The following USP34 variants were observed in gnomAD, a reference collection of about 807,000 sequenced individuals.
USP34 encodes ubiquitin specific peptidase 34.
A neutral mutation model predicts 460.3 loss-of-function variants in USP34; 70 were observed. The ratio of observed to expected loss-of-function variants is 0.15; its 90% confidence interval spans 0.13 to 0.19. The LOEUF (loss-of-function observed/expected upper bound fraction) is 0.19. USP34 is among the 10% of genes least tolerant of loss of function. The probability of loss-of-function intolerance (pLI) is 1.00; values close to 1 mark genes in which losing one functional copy is unlikely to be tolerated. For synonymous variants in USP34, 1,647 were observed against 1,405.3 expected, an observed-to-expected ratio of 1.17 and a Z score of -3.85; for missense variants, 3,985 against 4,236.2, an observed-to-expected ratio of 0.94 and a Z score of 1.65.
Position 61,195,412 on chromosome 2 carries a change from G to GC in USP34, c.9509-2433dup, listed in dbSNP as rs1012876155. Among the ~76,000 whole-genome samples the GC allele has an allele frequency of 8.0e-5, 12 of 149,820 alleles. No individual in the cohort carries two copies. The East Asian group carries it at 2.4e-3, about 29-fold the overall frequency. On this transcript the variant is annotated intron_variant, in intron 75 of 79. Transcript: ENST00000398571. Reference sequence around the variant, plus strand: ...AGCCAGGCTGGGCATAGTGGCTCATGCCTGTAACCCCAGCACTTTGGGAGG... The same window carrying GC: ...AGCCAGGCTGGGCATAGTGGCTCATGCCCTGTAACCCCAGCACTTTGGGAGG...
At chr2:61,256,509 T>C (rs1310839791) in intron 47 of USP34, 31 bp from the exon 48 acceptor site, 15 of 1,486,202 alleles carry the variant, frequency 1.0e-5, no homozygotes, top group Non-Finnish European at 1.4e-5. Context: ...AAAAGTTTCA[T>C]ATTATTGTTT....
rs541827863 is a variant in USP34 at position 61,282,704 on chromosome 2, C to T, written c.4998+441G>A. Among the ~76,000 whole-genome samples, 20 of 152,134 alleles carry T rather than the reference C, an allele frequency of 1.3e-4. No individual in the cohort carries two copies. The South Asian group carries it at 2.7e-3, about 20-fold the overall frequency. Reference sequence around the variant, plus strand: ...ACTTGGGAGGCTGAAGCCAGAGGATCGCTTGTTCCCAGGAGGTTGAGGCTG... The same window carrying T: ...ACTTGGGAGGCTGAAGCCAGAGGATTGCTTGTTCCCAGGAGGTTGAGGCTG... On this transcript the variant is annotated intron_variant, in intron 37 of 79. Coordinates refer to ENST00000398571, the MANE Select transcript of USP34 (RefSeq NM_014709.4).
At chr2:61,346,537 A>T (rs1691773843) in intron 15 of USP34, among the ~76,000 whole-genome samples, 1 of 146,906 alleles carries the variant, frequency 6.8e-6, no homozygotes. Context: ...TAAAAAAAAA[A>T]AAAAAAAAAA....
At chr2:61,322,679 G>A (rs1690962749) in intron 21 of USP34, among the ~76,000 whole-genome samples, 1 of 152,188 alleles carries the variant, frequency 6.6e-6, no homozygotes, top group African/African-American at 2.4e-5. Flanking sequence ...ATTCACCCTA[G>A]TAGCAGTATC....
chr2:61,194,035 TTAGC>T, intron 75 of USP34: 2 of 791,528 alleles, frequency 2.5e-6, no homozygotes, highest in African/African-American at 1.9e-5. Flanking sequence ...AAAACTATTC[TTAGC>T]TAGCAGGTAG....
chr2:61,281,027 G>A (rs554026682), intron 38 of USP34, 63 bp downstream of exon 38: 6 of 1,534,820 alleles, frequency 3.9e-6, no homozygotes, highest in Non-Finnish European at 5.3e-6. Context: ...ATATTACAAC[G>A]GTAAACTGAG....
intron 1 of USP34, among the ~76,000 whole-genome samples, chr2:61,437,762 G>C (rs1424886436): frequency 1.2e-5 from 1 of 80,240 alleles, no homozygotes; most frequent in Non-Finnish European, 2.7e-5. Flanking sequence ...AACAGAGCGA[G>C]ACTCCGTCTC....
chr2:61,211,745 A>C, intron 69 of USP34, 27 bp downstream of exon 69: 1 of 1,538,312 alleles, frequency 6.5e-7, no homozygotes, highest in Non-Finnish European at 8.7e-7. Context: ...GGAAATAAAC[A>C]AGACAAAACT....
intron 51 of USP34, 41 bp downstream of exon 51, chr2:61,245,169 G>T (rs749919419): frequency 1.3e-6 from 2 of 1,497,512 alleles, no homozygotes; most frequent in Non-Finnish European, 9.2e-7. Flanking sequence ...CAAAGCACTT[G>T]GAAGGACACA....
chr2:61,238,186 G>C (rs10198188), intron 53 of USP34, among the ~76,000 whole-genome samples: 1 of 151,620 alleles, frequency 6.6e-6, no homozygotes, highest in Non-Finnish European at 1.5e-5. Context: ...GTGAGGCAAC[G>C]TGCCCAGCCT....
intron 10 of USP34, among the ~76,000 whole-genome samples, chr2:61,369,817 G>C (rs1436117620): frequency 1.3e-5 from 2 of 150,086 alleles, no homozygotes; most frequent in Non-Finnish European, 3.0e-5. Flanking sequence ...TTGTGAAAAA[G>C]AAAGAGGAAG....
rs571781282 is a variant in USP34, at chr2:61,210,862, C to T, written c.8840+910G>A. On this transcript the variant is annotated intron_variant, in intron 69 of 79. Transcript: ENST00000398571. Reference sequence around the variant, plus strand: ...AGGAGCTGGGACTACAGGTGCATGCCGTCACACCCTAATTTATTTGCTAAC... The same window carrying T: ...AGGAGCTGGGACTACAGGTGCATGCTGTCACACCCTAATTTATTTGCTAAC... Among the ~76,000 whole-genome samples, 23 of 152,182 alleles carry T rather than the reference C, an allele frequency of 1.5e-4. No homozygotes were observed. In the East Asian group the frequency reaches 3.3e-3, roughly 22 times the overall value.
chr2:61,348,142 T>C lies in USP34; in HGVS notation c.2013A>G (p.Thr671=). 6.2e-7 allele frequency: 1 copy of C among 1,614,238 alleles called. No individual in the cohort carries two copies. Among genetic ancestry groups the C allele is most frequent in the East Asian group, 2.2e-5 (1 of 44,884 alleles). Residue 671 remains threonine (T), a synonymous_variant, in exon 15 of 80, where the codon ACA becomes ACG. Transcript: ENST00000398571. ...MSERNGTSSG[T]GKDLVFNTES... is the part of the protein sequence containing the mutation. The stretch of plus-strand genomic sequence containing the variant: ...CAGTGTTAAAAACCAGGTCCTTTCC[T>C]GTTCCGCTGCTTGTCCCATTTCTTT...
At chr2:61,330,506 T>C (rs1229769690) in intron 20 of USP34, among the ~76,000 whole-genome samples, 2 of 152,242 alleles carry the variant, frequency 1.3e-5, no homozygotes, top group Non-Finnish European at 2.9e-5. Context: ...CTATGACTTT[T>C]CCGAACACTT....
At chr2:61,463,797 G>A (rs943507948) in intron 1 of USP34, among the ~76,000 whole-genome samples, 4 of 150,768 alleles carry the variant, frequency 2.7e-5, no homozygotes, top group Admixed American at 1.3e-4. Flanking sequence ...TCATGCCATT[G>A]CACACCAGCC....
chr2:61,466,692 C>A (rs976399877), intron 1 of USP34, among the ~76,000 whole-genome samples: 10 of 151,766 alleles, frequency 6.6e-5, no homozygotes, highest in Admixed American at 2.0e-4. Flanking sequence ...CAGGCAGATC[C>A]CCTGAGGTCA....
chr2:61,232,529 A>G lies in USP34; in HGVS notation c.7036T>C (p.Phe2346Leu). Reference protein sequence around the residue: ...FNNSQAACEWFLDRMADDDWW... With the variant: ...FNNSQAACEWLLDRMADDDWW... ...TCGTCATCAGCCATACGATCTAAAA[A>G]CCACTGTTAAAAAAAAATACAGCAT... Residue 2346 changes from phenylalanine to leucine, a missense_variant, in exon 58 of 80, where the codon TTT (phenylalanine) becomes CTT (leucine). Phe to Leu is a conservative substitution (Grantham distance 22). This residue lies in a region of USP34 where 604 missense variants were observed against 684.8 expected (regional missense o/e 0.88). Coordinates refer to ENST00000398571, the MANE Select transcript of USP34 (RefSeq NM_014709.4). 1 of 1,605,276 alleles carries G rather than the reference A, an allele frequency of 6.2e-7. No homozygotes were observed. Among genetic ancestry groups the G allele is most frequent in the Non-Finnish European group, 8.5e-7 (1 of 1,177,900 alleles).
Position 61,431,050 on chromosome 2 carries a change from G to A in USP34, c.44-10217C>T, listed in dbSNP as rs531645119. Among the ~76,000 whole-genome samples, 4 of 152,036 alleles carry A rather than the reference G, an allele frequency of 2.6e-5. 1 individual carries two copies. Among genetic ancestry groups the A allele is most frequent in the African/African-American group, 7.2e-5 (3 of 41,456 alleles). ...GAAATGAAACGAAATGAAATGAAAC[G>A]AAAACTAAAGAAATTTACACAACTA... On this transcript the variant is annotated intron_variant, in intron 1 of 79. Transcript: ENST00000398571.
intron 2 of USP34, among the ~76,000 whole-genome samples, chr2:61,415,262 G>A (rs561263931): frequency 6.6e-6 from 1 of 152,184 alleles, no homozygotes; most frequent in Admixed American, 6.5e-5. Flanking sequence ...TATGACCAGG[G>A]GTGGGGGGAT....
Sources: allele counts gnomAD v4.1 joint callset (sites outside exome capture counted in the v4.1 genomes callset), GRCh38; gene constraint gnomAD v4.1.1; regional missense constraint gnomAD v4.1.1; transcripts MANE v1.5; gene names NCBI Gene and HGNC (gene_info 2026-07-23, HGNC 2026-07-21).